Variants in PRKG1 observed in about 807,000 individuals in gnomAD.
The protein encoded by PRKG1 is protein kinase cGMP-dependent 1, also known as cGMP-dependent protein kinase 1.
PRKG1 carries 35 observed loss-of-function variants against 88.1 expected under a neutral mutation model. The observed-to-expected ratio is 0.40, with a 90% CI of 0.30 to 0.53. PRKG1 has a LOEUF of 0.53. Among genes scored for constraint, PRKG1 ranks in the 20% least tolerant of loss-of-function variants. The probability of loss-of-function intolerance (pLI) is 0.59; values close to 1 mark genes in which losing one functional copy is unlikely to be tolerated. For synonymous variants in PRKG1, 303 were observed against 292.5 expected (o/e 1.04, Z -0.37); for missense variants, 540 against 839.8 (o/e 0.64, Z 4.41).
intron 2 of PRKG1, among the ~76,000 whole-genome samples, chr10:51,226,722 T>C (rs2132101326): frequency 6.6e-6 from 1 of 152,242 alleles, no homozygotes; most frequent in African/African-American, 2.4e-5. Flanking sequence ...CTATGGAGAA[T>C]AACAGTTATT....
intron 5 of PRKG1, among the ~76,000 whole-genome samples, chr10:51,946,904 G>A (rs1434358508): frequency 2.6e-5 from 4 of 152,050 alleles, no homozygotes; most frequent in Non-Finnish European, 5.9e-5. Context: ...CTGCTCAGGG[G>A]TCAGGGGTCA....
chr10:51,887,785 C>A (rs1207516508), intron 4 of PRKG1, among the ~76,000 whole-genome samples: 4 of 151,958 alleles, frequency 2.6e-5, no homozygotes, highest in African/African-American at 9.7e-5. Context: ...TAGTTTGTTT[C>A]TTTGTTTTTG....
intron 1 of PRKG1, among the ~76,000 whole-genome samples, chr10:51,001,912 G>C (rs970805729): frequency 6.6e-6 from 1 of 152,104 alleles, no homozygotes; most frequent in African/African-American, 2.4e-5. Flanking sequence ...CTCAATATCA[G>C]GATTTATAAG....
chr10:51,831,519 A>G (rs762863660), intron 4 of PRKG1, among the ~76,000 whole-genome samples: 42 of 152,224 alleles, frequency 2.8e-4, no homozygotes, highest in Non-Finnish European at 4.9e-4. Context: ...GCAAGAAAGA[A>G]TAAAAGTAGC....
chr10:51,701,058 T>C (rs560986633), intron 3 of PRKG1, among the ~76,000 whole-genome samples: 5 of 152,326 alleles, frequency 3.3e-5, no homozygotes, highest in Admixed American at 1.3e-4. Flanking sequence ...TTTTATATTT[T>C]TTATAAGTCG....
intron 5 of PRKG1, among the ~76,000 whole-genome samples, chr10:51,935,556 A>G (rs767304772): frequency 1.3e-5 from 2 of 152,116 alleles, no homozygotes; most frequent in Non-Finnish European, 2.9e-5. Context: ...TTTTAATTTC[A>G]TACAACCCGG....
At chr10:51,537,665 T>A (rs1589056424) in intron 3 of PRKG1, among the ~76,000 whole-genome samples, 1 of 149,490 alleles carries the variant, frequency 6.7e-6, no homozygotes, top group Admixed American at 6.7e-5. Flanking sequence ...GAGGCAGAGG[T>A]TGCAGTGAGC....
intron 3 of PRKG1, among the ~76,000 whole-genome samples, chr10:51,751,520 A>G (rs7909578): frequency 0.48 from 72,885 of 152,058 alleles, 18,069 homozygotes; most frequent in Middle Eastern, 0.62. Flanking sequence ...GAGCCATTGC[A>G]CCTGATGGGG....
intron 3 of PRKG1, among the ~76,000 whole-genome samples, chr10:51,787,895 A>G (rs1564646857): frequency 6.6e-6 from 1 of 152,210 alleles, no homozygotes; most frequent in Non-Finnish European, 1.5e-5. Context: ...AGGAGATGAC[A>G]CAAAGAGAAA....
intron 5 of PRKG1, among the ~76,000 whole-genome samples, chr10:51,994,197 G>C (rs1428788307): frequency 1.3e-5 from 2 of 152,006 alleles, no homozygotes; most frequent in Non-Finnish European, 2.9e-5. Context: ...CTCATCTTAG[G>C]GGTATATATT....
chr10:51,723,108 G>A (rs1339784607), intron 3 of PRKG1, among the ~76,000 whole-genome samples: 2 of 152,172 alleles, frequency 1.3e-5, no homozygotes, highest in African/African-American at 4.8e-5. Flanking sequence ...TTTGTCATAA[G>A]TGGTCACCAT....
chr10:51,227,792 G>C (rs1293348137), intron 2 of PRKG1, among the ~76,000 whole-genome samples: 2 of 152,180 alleles, frequency 1.3e-5, no homozygotes, highest in African/African-American at 4.8e-5. Context: ...CCTGTGACTG[G>C]GGCATAAGGT....
intron 2 of PRKG1, among the ~76,000 whole-genome samples, chr10:51,293,921 G>A (rs150093182): frequency 8.7e-4 from 132 of 152,224 alleles, no homozygotes; most frequent in African/African-American, 3.1e-3. Flanking sequence ...ATTCCAAGAG[G>A]TGTGAGCTCA....
In PRKG1 at chr10:51,143,648, T is replaced by C. The variant is rs77055399; in HGVS notation, c.312-9516T>C. On this transcript the variant is annotated intron_variant, in intron 1 of 17. Coordinates refer to ENST00000373980, the MANE Select transcript of PRKG1 (RefSeq NM_006258.4). ...TGTCAACACTTGTTATCTTTTGTCTTTTTGATAATAGCCATTCTAACAGGT... is the reference window on the plus strand; with the variant it reads ...TGTCAACACTTGTTATCTTTTGTCTCTTTGATAATAGCCATTCTAACAGGT... Among the ~76,000 whole-genome samples, 1,003 of 152,242 alleles carry C rather than the reference T, an allele frequency of 6.6e-3. 18 individuals are homozygous for C. The highest frequency in any genetic ancestry group is 0.023 in the African/African-American group (947 of 41,568).
At chr10:52,113,409 TAAAA>T (rs1847612998) in intron 7 of PRKG1, among the ~76,000 whole-genome samples, 1 of 151,452 alleles carries the variant, frequency 6.6e-6, no homozygotes, top group African/African-American at 2.4e-5. Flanking sequence ...GATGGATAAA[TAAAA>T]AAAGAACAGA....
intron 3 of PRKG1, among the ~76,000 whole-genome samples, chr10:51,721,928 T>C (rs904235303): frequency 1.3e-5 from 2 of 152,184 alleles, no homozygotes; most frequent in Non-Finnish European, 1.5e-5. Context: ...ATTCATACTT[T>C]AACATTAAAT....
At chr10:51,417,419 G>T (rs981553138) in intron 2 of PRKG1, among the ~76,000 whole-genome samples, 1 of 152,326 alleles carries the variant, frequency 6.6e-6, no homozygotes, top group Admixed American at 6.5e-5. Flanking sequence ...AAGATAGAGG[G>T]TTTAATAATA....
chr10:51,045,688 G>A (rs1033788367), intron 1 of PRKG1, among the ~76,000 whole-genome samples: 5 of 152,060 alleles, frequency 3.3e-5, no homozygotes, highest in African/African-American at 4.8e-5. Flanking sequence ...AACTGTGCTC[G>A]TAATCACCAT....
chr10:51,659,238 A>G (rs1454015440), intron 3 of PRKG1, among the ~76,000 whole-genome samples: 1 of 152,096 alleles, frequency 6.6e-6, no homozygotes, highest in African/African-American at 2.4e-5. Flanking sequence ...GCATAAATAT[A>G]CCCTAAAATG....
Sources: allele counts gnomAD v4.1 joint callset (sites outside exome capture counted in the v4.1 genomes callset), GRCh38; gene constraint gnomAD v4.1.1; transcripts MANE v1.5; gene names NCBI Gene and HGNC (gene_info 2026-07-23, HGNC 2026-07-21).